The following CDHR1 variants were observed in gnomAD, a reference collection of about 807,000 sequenced individuals.
The protein encoded by CDHR1 is cadherin related family member 1.
CDHR1 carries 61 observed loss-of-function variants against 72.1 expected under a neutral mutation model. The observed-to-expected ratio is 0.85, with a 90% CI of 0.69 to 1.05. The LOEUF is 1.05. CDHR1 is among the 50% of genes least tolerant of loss of function. The pLI is 0.00. For synonymous variants in CDHR1, 470 were observed against 448.1 expected, an observed-to-expected ratio of 1.05 and a Z score of -0.62; for missense variants, 1,186 against 1,115.7, an observed-to-expected ratio of 1.06 and a Z score of -0.90.
intron 4 of CDHR1, 126 bp from the exon 5 acceptor site, chr10:84,198,902 AAGAG>A (rs59594596): frequency 0.15 from 101,891 of 690,866 alleles, 3,000 homozygotes; most frequent in Admixed American, 0.22. Context: ...TAAAAGAAGG[AAGAG>A]AGAGAGAGAG....
Position 84,214,192 on chromosome 10 carries a change from C to T in CDHR1, c.2151C>T (p.Val717=), listed in dbSNP as rs1254317040. ...TGGCCACCGTCGTGGCCATCACTGT[C>T]CTCATCTCCACCGCCACCTTCTGGC... The part of the protein sequence containing the change: ...GTMATVVAIT[V]LISTATFWRN... The change falls in exon 17 of 17, where the codon GTC becomes GTT. Residue 717 remains valine (V), a synonymous_variant. Coordinates refer to ENST00000623527, the MANE Select transcript of CDHR1 (RefSeq NM_033100.4). The T allele has an allele frequency of 6.2e-7, 1 of 1,614,192 alleles. No homozygotes were observed. The highest frequency in any genetic ancestry group is 8.5e-7 in the Non-Finnish European group (1 of 1,180,044).
Position 84,217,599 on chromosome 10 carries a change from C to T in CDHR1, c.*2978C>T, listed in dbSNP as rs775055773. ...TCTAATATATGTAAAGTGCCTAGCA[C>T]CGGCTTTGTATCTACTTACACAAGC... On this transcript the variant is annotated 3_prime_UTR_variant, in exon 17 of 17. Coordinates refer to ENST00000623527, the MANE Select transcript of CDHR1 (RefSeq NM_033100.4). 43 of 985,430 alleles carry T rather than the reference C, an allele frequency of 4.4e-5. No individual in the cohort carries two copies. Among genetic ancestry groups the T allele is most frequent in the Non-Finnish European group, 5.2e-5 (43 of 829,936 alleles). The allele number at this position is 985,430 out of a possible 1,614,324, so 61.0% of individuals were successfully genotyped here. A position where few individuals can be genotyped will look rare whatever the true frequency, so the allele number is the denominator to read the frequency against.
intron 3 of CDHR1, 45 bp from the exon 4 acceptor site, chr10:84,197,741 G>T (rs748588550): frequency 6.3e-7 from 1 of 1,579,586 alleles, no homozygotes; most frequent in South Asian, 1.1e-5. Context: ...GGGTCCTATG[G>T]CGTGTCAGAC....
chr10:84,207,804 G>A lies in CDHR1; in HGVS notation c.964-370G>A, dbSNP rs556460412. Among the ~76,000 whole-genome samples the A allele has an allele frequency of 2.6e-5, 4 of 152,248 alleles. No individual in the cohort carries two copies. In the East Asian group the frequency reaches 7.7e-4, roughly 29 times the overall value. On this transcript the variant is annotated intron_variant, in intron 10 of 16. Transcript: ENST00000623527. ...TGGGGTCTCATCTGCAGGCTTGACT[G>A]GGAAAGGGTTGGTTTCCATGCCCAC...
chr10:84,208,761 G>A lies in CDHR1; in HGVS notation c.1200G>A (p.Val400=). Residue 400 remains valine (V), a synonymous_variant, in exon 12 of 17, where the codon GTG becomes GTA. Transcript: ENST00000623527. ...GANAKFNLQL[V]GPRGIFRVVP... is the part of the protein sequence containing the mutation. ...ATGCCAAATTCAACTTGCAGCTGGT[G>A]GGACCCAGGGGCATCTTCCGAGTGG... 1 of 1,614,146 alleles carries A rather than the reference G, an allele frequency of 6.2e-7. No individual in the cohort carries two copies. The highest frequency in any genetic ancestry group is 8.5e-7 in the Non-Finnish European group (1 of 1,180,010).
chr10:84,208,482 C>A, intron 11 of CDHR1, 105 bp downstream of exon 11: 1 of 1,240,322 alleles, frequency 8.1e-7, no homozygotes, highest in Non-Finnish European at 1.2e-6. Flanking sequence ...GTAGCCGGGA[C>A]CAGGTGGGCC....
Position 84,217,907 on chromosome 10 carries a change from A to T in CDHR1, c.*3286A>T, listed in dbSNP as rs1203206674. ...TGAGAGGTCTCTAAGAACTTGTGGCACTCTGTCCTCAAGCAGCTGTCCCTC... is the reference window on the plus strand; with the variant it reads ...TGAGAGGTCTCTAAGAACTTGTGGCTCTCTGTCCTCAAGCAGCTGTCCCTC... On this transcript the variant is annotated 3_prime_UTR_variant, in exon 17 of 17. Transcript: ENST00000623527. The T allele has an allele frequency of 1.0e-6, 1 of 985,316 alleles. No homozygotes were observed. Among genetic ancestry groups the T allele is most frequent in the Non-Finnish European group, 1.2e-6 (1 of 829,946 alleles). 61.0% of individuals were successfully genotyped at this position (985,316 alleles called of 1,614,324 possible).
chr10:84,213,952 T>A (rs1420323563), intron 16 of CDHR1, 130 bp from the exon 17 acceptor site: 1 of 1,190,966 alleles, frequency 8.4e-7, no homozygotes, highest in Non-Finnish European at 1.2e-6. Flanking sequence ...ATAGTGCCTA[T>A]CAGATTCTCA....
chr10:84,218,777 T>C (rs986276302), downstream of CDHR1: 1 of 1,004,774 alleles, frequency 1.0e-6, no homozygotes, highest in East Asian at 7.5e-5. Context: ...TTATTACATA[T>C]ATATATTTAT....
intron 9 of CDHR1, 105 bp from the exon 10 acceptor site, chr10:84,205,722 T>C (rs2132814246): frequency 1.3e-6 from 1 of 763,366 alleles, no homozygotes; most frequent in Admixed American, 2.0e-5. Flanking sequence ...CAGGATTCCA[T>C]TCTATGAAGA....
At position 84,212,103 on chromosome 10, in the gene CDHR1, A is replaced by T. The variant is rs561926290; in HGVS notation, c.1554-76A>T. The T allele has an allele frequency of 8.5e-6, 11 of 1,294,850 alleles. No individual in the cohort carries two copies. The African/African-American group carries it at 1.3e-4, about 15-fold the overall frequency. 80.2% of individuals were successfully genotyped at this position (1,294,850 alleles called of 1,614,324 possible). A position where few individuals can be genotyped will look rare whatever the true frequency, so the allele number is the denominator to read the frequency against. On this transcript the variant is annotated intron_variant, in intron 14 of 16. Coordinates refer to ENST00000623527, the MANE Select transcript of CDHR1 (RefSeq NM_033100.4). Reference sequence around the variant, plus strand: ...TCACTCCTGCTTCAGGAGGCAGCTCATTATTGCAGGCATGTGTATGTATGC... The same window carrying T: ...TCACTCCTGCTTCAGGAGGCAGCTCTTTATTGCAGGCATGTGTATGTATGC...
chr10:84,219,028 C>A (rs1842468831), downstream of CDHR1: 7 of 718,666 alleles, frequency 9.7e-6, no homozygotes, highest in Non-Finnish European at 1.6e-5. Context: ...TGTTATTATC[C>A]CCATTTTACA....
rs781364896 is a variant in CDHR1 at position 84,218,267 on chromosome 10, C to T, written c.*3646C>T. 2.1e-5 allele frequency: 21 copies of T among 985,302 alleles called. No individual in the cohort carries two copies. Among genetic ancestry groups the T allele is most frequent in the South Asian group, 4.7e-5 (1 of 21,290 alleles). 61.0% of individuals were successfully genotyped at this position (985,302 alleles called of 1,614,324 possible). A position where few individuals can be genotyped will look rare whatever the true frequency, so the allele number is the denominator to read the frequency against. ...GAAGGGCCTAGTTTCCAGAATGAGG[C>T]GGTCATGGCTTAAGCGACCATCATT... On this transcript the variant is annotated 3_prime_UTR_variant, in exon 17 of 17. Coordinates refer to ENST00000623527, the MANE Select transcript of CDHR1 (RefSeq NM_033100.4).
In CDHR1 at chr10:84,195,570, C is replaced by T. The variant is rs767813093; in HGVS notation, c.132C>T (p.Leu44=). 2 of 1,614,072 alleles carry T rather than the reference C, an allele frequency of 1.2e-6. No homozygotes were observed. Among genetic ancestry groups the T allele is most frequent in the South Asian group, 1.1e-5 (1 of 91,072 alleles). ...ACGGAAACATGGCTCTGTTCAGCCT[C>T]CCAGAGGACACCCCTGTAGGTGAGT... ...STNGNMALFS[L]PEDTPVGSHV... Residue 44 remains leucine, a synonymous_variant, in exon 2 of 17, where the codon CTC becomes CTT. Transcript: ENST00000623527.
At chr10:84,198,974 C>A in intron 4 of CDHR1, 58 bp from the exon 5 acceptor site, 1 of 1,279,290 alleles carries the variant, frequency 7.8e-7, no homozygotes, top group South Asian at 1.3e-5. Context: ...GGTCGCTATC[C>A]ATTCATCCTT....
Position 84,217,055 on chromosome 10 carries a change from G to A in CDHR1, c.*2434G>A, listed in dbSNP as rs569638212. On this transcript the variant is annotated 3_prime_UTR_variant, in exon 17 of 17. Transcript: ENST00000623527. Reference sequence around the variant, plus strand: ...ACTGGCCATGGATGGGGAAGTGCCCGGTAGCCAGCATGAGCCACACTAGGA... The same window carrying A: ...ACTGGCCATGGATGGGGAAGTGCCCAGTAGCCAGCATGAGCCACACTAGGA... The A allele has an allele frequency of 5.6e-5, 55 of 985,558 alleles. No individual in the cohort carries two copies. Among genetic ancestry groups the A allele is most frequent in the Middle Eastern group, 5.2e-4 (1 of 1,936 alleles). 61.1% of individuals were successfully genotyped at this position (985,558 alleles called of 1,614,324 possible).
Position 84,196,658 on chromosome 10 carries a change from G to T in CDHR1, c.297+8G>T. On this transcript the variant is annotated splice_region_variant and intron_variant, in intron 3 of 16. Coordinates refer to ENST00000623527, the MANE Select transcript of CDHR1 (RefSeq NM_033100.4). ...GAAGAGCTGGACAGAGAGGTATGGG[G>T]AGGTGTGGGGAGTGCTGCGGGGCCA... is the stretch of plus-strand genomic sequence containing the variant. The T allele has an allele frequency of 6.2e-7, 1 of 1,614,222 alleles. No homozygotes were observed. The highest frequency in any genetic ancestry group is 8.5e-7 in the Non-Finnish European group (1 of 1,180,032).
chr10:84,205,808 G>C lies in CDHR1; in HGVS notation c.863-19G>C, dbSNP rs376539114. On this transcript the variant is annotated intron_variant, in intron 9 of 16. Transcript: ENST00000623527. The stretch of plus-strand genomic sequence containing the variant: ...CCTGTGGTCCTGTGCAGAACTTCAG[G>C]GTGCATCTCCCTTGACAGGGAACGA... 1.3e-6 allele frequency: 2 copies of C among 1,587,884 alleles called. No homozygotes were observed. The highest frequency in any genetic ancestry group is 2.7e-5 in the African/African-American group (2 of 74,442).
chr10:84,204,305 G>A (rs1472284037), intron 8 of CDHR1, among the ~76,000 whole-genome samples: 1 of 152,170 alleles, frequency 6.6e-6, no homozygotes, highest in African/African-American at 2.4e-5. Context: ...ACCCCTACTG[G>A]TGAGAAAGAA....
Sources: gnomAD v4.1 joint callset for allele counts (sites outside exome capture counted in the v4.1 genomes callset) on GRCh38, gnomAD v4.1.1 for gene constraint, MANE v1.5 for transcripts, NCBI Gene and HGNC (gene_info 2026-07-23, HGNC 2026-07-21) for gene names.